The following CPNE4 variants were observed in gnomAD, a reference collection of about 807,000 sequenced individuals.
CPNE4 encodes copine 4.
In CPNE4, 25 loss-of-function variants were observed where a neutral mutation model predicts 67.9. The observed-to-expected ratio is 0.37, with a 90% CI of 0.27 to 0.51. The LOEUF (loss-of-function observed/expected upper bound fraction) is 0.51, where lower values mean the gene tolerates loss of function less well. Among genes scored for constraint, CPNE4 ranks in the 20% least tolerant of loss-of-function variants. The pLI is 0.93. For synonymous variants in CPNE4, 242 were observed against 244.9 expected (o/e 0.99, Z 0.11); for missense variants, 464 against 690.8 (o/e 0.67, Z 3.68).
intron 1 of CPNE4, among the ~76,000 whole-genome samples, chr3:131,913,404 G>A (rs776362998): frequency 5.9e-5 from 9 of 152,154 alleles, no homozygotes; most frequent in Admixed American, 1.3e-4. Flanking sequence ...TGCCTCAAAT[G>A]AGCATGCATA....
intron 7 of CPNE4, among the ~76,000 whole-genome samples, chr3:131,630,555 C>T (rs1183601669): frequency 1.3e-5 from 2 of 152,118 alleles, no homozygotes; most frequent in African/African-American, 2.4e-5. Flanking sequence ...GTCCATTAGG[C>T]CCACCACTAG....
chr3:131,652,702 T>G (rs755627070), intron 7 of CPNE4, among the ~76,000 whole-genome samples: 1 of 152,216 alleles, frequency 6.6e-6, no homozygotes, highest in Non-Finnish European at 1.5e-5. Context: ...CTTACATGCA[T>G]GTACACACGC....
At chr3:131,632,367 G>A (rs73001227) in intron 7 of CPNE4, among the ~76,000 whole-genome samples, 41,880 of 151,902 alleles carry the variant, frequency 0.28, 9,497 homozygotes, top group African/African-American at 0.63. Context: ...TTCAGCTTAT[G>A]AGGGAGGAAA....
chr3:131,717,883 T>TCC (rs140881670), intron 3 of CPNE4, among the ~76,000 whole-genome samples: 3 of 13,824 alleles, frequency 2.2e-4, no homozygotes, highest in African/African-American at 1.3e-3. Context: ...CTTTTCTTTC[T>TCC]TTCTTTCTTT....
intron 2 of CPNE4, among the ~76,000 whole-genome samples, chr3:131,748,682 T>A (rs967201564): frequency 3.9e-5 from 6 of 152,138 alleles, no homozygotes; most frequent in African/African-American, 4.8e-5. Flanking sequence ...TAAAGTGACA[T>A]TGTCAAATGC....
chr3:131,598,800 G>T (rs1939036658), intron 7 of CPNE4, among the ~76,000 whole-genome samples: 1 of 148,048 alleles, frequency 6.8e-6, no homozygotes, highest in African/African-American at 2.6e-5. Flanking sequence ...AAATATACAT[G>T]TTTTAAAATT....
chr3:131,584,199 T>C (rs773080806), intron 8 of CPNE4, among the ~76,000 whole-genome samples: 6 of 152,110 alleles, frequency 3.9e-5, no homozygotes, highest in Non-Finnish European at 8.8e-5. Flanking sequence ...TCCTGTACCT[T>C]CTCTTCAGTC....
At chr3:131,821,237 G>C (rs914402538) in intron 2 of CPNE4, among the ~76,000 whole-genome samples, 1 of 152,190 alleles carries the variant, frequency 6.6e-6, no homozygotes, top group African/African-American at 2.4e-5. Flanking sequence ...AGATAAGTTA[G>C]AATTTCTTGG....
At chr3:131,850,073 T>A (rs550071272) in intron 2 of CPNE4, among the ~76,000 whole-genome samples, 3 of 152,290 alleles carry the variant, frequency 2.0e-5, no homozygotes, top group Non-Finnish European at 2.9e-5. Context: ...ATCCCCTTAA[T>A]ATTGGAGTAT....
chr3:131,725,648 T>C (rs190947775), intron 2 of CPNE4, among the ~76,000 whole-genome samples: 8 of 152,360 alleles, frequency 5.3e-5, no homozygotes, highest in African/African-American at 9.6e-5. Flanking sequence ...ATAATAGTTT[T>C]GAATAATAGA....
intron 1 of CPNE4, among the ~76,000 whole-genome samples, chr3:132,009,543 G>A (rs961223210): frequency 6.6e-6 from 1 of 152,134 alleles, no homozygotes; most frequent in African/African-American, 2.4e-5. Context: ...TCAAAGAGAG[G>A]GTGTCTGAGA....
chr3:131,737,115 C>CTTTTTTTTTTTTTTTTTTTTTTTTTTTT lies in CPNE4; in HGVS notation c.181-13491_181-13490insAAAAAAAAAAAAAAAAAAAAAAAAAAAA, dbSNP rs71788145. On this transcript the variant is annotated intron_variant, in intron 2 of 15. Transcript: ENST00000429747. ...TGCCTCTTTTTATGAAGTATTGTGTCTTTTTTTTTTTTTTTTTTTTTTTTT... is the reference window on the plus strand; with the variant it reads ...TGCCTCTTTTTATGAAGTATTGTGTCTTTTTTTTTTTTTTTTTTTTTTTTTTTTTTTTTTTTTTTTTTTTTTTTTTTTT... Among the ~76,000 whole-genome samples, 15 of 49,400 alleles carry CTTTTTTTTTTTTTTTTTTTTTTTTTTTT rather than the reference C, an allele frequency of 3.0e-4. 3 individuals are homozygous for CTTTTTTTTTTTTTTTTTTTTTTTTTTTT. Among genetic ancestry groups the CTTTTTTTTTTTTTTTTTTTTTTTTTTTT allele is most frequent in the African/African-American group, 3.8e-4 (5 of 13,090 alleles). 32.4% of individuals were successfully genotyped at this position (49,400 alleles called of 152,430 possible).
intron 2 of CPNE4, among the ~76,000 whole-genome samples, chr3:131,740,251 C>T (rs995797967): frequency 1.3e-5 from 2 of 152,180 alleles, no homozygotes; most frequent in Non-Finnish European, 2.9e-5. Flanking sequence ...TGTCTGTGTT[C>T]AGCTGTCCAT....
intron 14 of CPNE4, among the ~76,000 whole-genome samples, chr3:131,546,571 T>C (rs555050610): frequency 6.6e-6 from 1 of 152,276 alleles, no homozygotes; most frequent in South Asian, 2.1e-4. Context: ...TCTTGGTCTA[T>C]AGGGGTAATT....
intron 7 of CPNE4, among the ~76,000 whole-genome samples, chr3:131,598,564 C>T (rs917720119): frequency 1.3e-5 from 2 of 151,994 alleles, no homozygotes; most frequent in East Asian, 1.9e-4. Context: ...ATGATGATCC[C>T]GAAATACAAT....
At chr3:131,720,771 A>G in intron 3 of CPNE4, among the ~76,000 whole-genome samples, 1 of 152,148 alleles carries the variant, frequency 6.6e-6, no homozygotes, top group East Asian at 1.9e-4. Flanking sequence ...TAGGCTGCTT[A>G]TCCTGTCTCA....
chr3:131,588,598 C>T (rs1429184848), intron 7 of CPNE4, among the ~76,000 whole-genome samples: 2 of 152,110 alleles, frequency 1.3e-5, no homozygotes, highest in Non-Finnish European at 2.9e-5. Flanking sequence ...GTAATCTGTT[C>T]CCAGATCCTG....
intron 7 of CPNE4, among the ~76,000 whole-genome samples, chr3:131,629,160 C>T (rs1373057025): frequency 6.6e-6 from 1 of 152,156 alleles, no homozygotes; most frequent in Non-Finnish European, 1.5e-5. Context: ...GACTTATTCA[C>T]TATCACGAGA....
chr3:131,978,147 T>A (rs1322122600), intron 1 of CPNE4, among the ~76,000 whole-genome samples: 2 of 75,872 alleles, frequency 2.6e-5, no homozygotes, highest in Non-Finnish European at 4.4e-5. Flanking sequence ...TAAATATATA[T>A]AAAATATATA....
Sources: gnomAD v4.1 joint callset for allele counts (sites outside exome capture counted in the v4.1 genomes callset) on GRCh38, gnomAD v4.1.1 for gene constraint, MANE v1.5 for transcripts, NCBI Gene and HGNC (gene_info 2026-07-23, HGNC 2026-07-21) for gene names.